Variants in HDAC9 observed in about 807,000 individuals in gnomAD.
The protein encoded by HDAC9 is histone deacetylase 9.
A neutral mutation model predicts 139.4 loss-of-function variants in HDAC9; 41 were observed. That is an observed-to-expected ratio of 0.29 (90% CI 0.23 to 0.38). HDAC9 has a LOEUF of 0.38. Ranked by LOEUF, HDAC9 falls within the 10% of genes least tolerant of loss-of-function variation. The pLI, the probability that HDAC9 is intolerant of heterozygous loss-of-function variation, is 1.00. For missense variants in HDAC9, 1,147 were observed against 1,297.0 expected (o/e 0.88, Z 1.78); for synonymous variants, 517 against 476.2 (o/e 1.09, Z -1.12).
chr7:18,471,044 A>G (rs1479049176), intron 1 of HDAC9, among the ~76,000 whole-genome samples: 2 of 151,972 alleles, frequency 1.3e-5, no homozygotes, highest in Admixed American at 6.6e-5. Flanking sequence ...TTTATGGAGT[A>G]CACCTTTATC....
intron 1 of HDAC9, among the ~76,000 whole-genome samples, chr7:18,128,186 A>G (rs1784789613): frequency 6.6e-6 from 1 of 152,088 alleles, no homozygotes; most frequent in Non-Finnish European, 1.5e-5. Flanking sequence ...TACCTTTACC[A>G]AAAAATCTCA....
chr7:18,118,085 G>A (rs985971573), intron 1 of HDAC9, among the ~76,000 whole-genome samples: 4 of 152,108 alleles, frequency 2.6e-5, no homozygotes, highest in Admixed American at 6.5e-5. Flanking sequence ...AACATTTATG[G>A]GAGTTTAACC....
chr7:18,934,442 A>G lies in HDAC9; in HGVS notation c.2804-1367A>G, dbSNP rs529677311. Among the ~76,000 whole-genome samples, 44 of 152,278 alleles carry G rather than the reference A, an allele frequency of 2.9e-4. No homozygotes were observed. The Middle Eastern group carries it at 0.014, about 47-fold the overall frequency. On this transcript the variant is annotated intron_variant, in intron 22 of 25. Transcript: ENST00000686413. ...ACTAAAAAGATAATACATTATGACC[A>G]AGCTTATTTTACTTCCTAAATGCAA...
intron 1 of HDAC9, among the ~76,000 whole-genome samples, chr7:18,384,635 A>G (rs1466132804): frequency 6.6e-6 from 1 of 152,192 alleles, no homozygotes. Flanking sequence ...GAGAGCAAGT[A>G]AATACTCCAA....
At chr7:18,688,687 A>AGTAGATCC (rs1255650153) in intron 12 of HDAC9, among the ~76,000 whole-genome samples, 3 of 151,932 alleles carry the variant, frequency 2.0e-5, no homozygotes, top group African/African-American at 7.2e-5. Context: ...TGGTTAGACA[A>AGTAGATCC]GTAGATCCTA....
At chr7:18,577,625 A>G (rs982588506) in intron 2 of HDAC9, among the ~76,000 whole-genome samples, 2 of 152,186 alleles carry the variant, frequency 1.3e-5, no homozygotes, top group African/African-American at 4.8e-5. Flanking sequence ...CAGGGACCAC[A>G]TTATACTTTT....
chr7:18,273,242 CT>C (rs999689532), intron 2 of HDAC9, among the ~76,000 whole-genome samples: 25 of 151,542 alleles, frequency 1.6e-4, no homozygotes, highest in Admixed American at 1.4e-3. Flanking sequence ...AATTGTTAAA[CT>C]TTTTTTGTAG....
intron 1 of HDAC9, among the ~76,000 whole-genome samples, chr7:18,125,916 A>G (rs998325410): frequency 6.6e-6 from 1 of 152,220 alleles, no homozygotes; most frequent in African/African-American, 2.4e-5. Context: ...GTGCCGAAAC[A>G]GGCCTACAGG....
intron 1 of HDAC9, among the ~76,000 whole-genome samples, chr7:18,386,160 A>C (rs1482545235): frequency 6.6e-6 from 1 of 152,164 alleles, no homozygotes; most frequent in East Asian, 1.9e-4. Context: ...CCGATCCCCA[A>C]CTCTGAACTC....
At position 18,094,954 on chromosome 7, in the gene HDAC9, A is replaced by G. The variant is rs1782409669; in HGVS notation, c.-97+7741A>G. ...TACATTTCAGTTTTTCACTTCCTGC[A>G]TCCAGTCATTCTTAAGTCTCGTTCT... On this transcript the variant is annotated intron_variant, in intron 1 of 12. Coordinates refer to the HDAC9 transcript ENST00000417496. Among the ~76,000 whole-genome samples the G allele has an allele frequency of 3.3e-5, 5 of 152,324 alleles. No homozygotes were observed. In the South Asian group the frequency reaches 1.0e-3, roughly 32 times the overall value.
intron 6 of HDAC9, among the ~76,000 whole-genome samples, chr7:18,598,174 T>A (rs903715784): frequency 6.6e-6 from 1 of 152,186 alleles, no homozygotes; most frequent in Non-Finnish European, 1.5e-5. Context: ...AATACACTTG[T>A]GCATGTGTGA....
intron 16 of HDAC9, among the ~76,000 whole-genome samples, chr7:18,776,557 A>G (rs1320378351): frequency 6.6e-6 from 1 of 152,130 alleles, no homozygotes; most frequent in Non-Finnish European, 1.5e-5. Flanking sequence ...GAGGAGACAA[A>G]TAAGCAAGAA....
intron 1 of HDAC9, among the ~76,000 whole-genome samples, chr7:18,417,212 G>A (rs901955501): frequency 3.3e-5 from 5 of 151,894 alleles, no homozygotes; most frequent in Admixed American, 2.0e-4. Flanking sequence ...CTCCTCTGCC[G>A]TTTAGCCTAT....
At chr7:18,869,092 A>T (rs1428430143) in intron 21 of HDAC9, among the ~76,000 whole-genome samples, 1 of 150,984 alleles carries the variant, frequency 6.6e-6, no homozygotes, top group East Asian at 1.9e-4. Context: ...ATCCAACCCA[A>T]AGAGGGGGGC....
chr7:18,260,228 C>T (rs1010463543), intron 2 of HDAC9, among the ~76,000 whole-genome samples: 3 of 151,902 alleles, frequency 2.0e-5, no homozygotes, highest in Non-Finnish European at 4.4e-5. Context: ...TGATCTATGA[C>T]CATGCTTCTG....
intron 1 of HDAC9, among the ~76,000 whole-genome samples, chr7:18,143,128 C>A (rs1786033841): frequency 6.6e-6 from 1 of 152,148 alleles, no homozygotes. Context: ...CAAAGATCTC[C>A]CCCTGCTTTT....
rs1801271096 is a variant in HDAC9 at position 18,897,117 on chromosome 7, A to C, written c.2803+22521A>C. Among the ~76,000 whole-genome samples the C allele has an allele frequency of 2.6e-5, 4 of 152,010 alleles. No individual in the cohort carries two copies. In the South Asian group the frequency reaches 6.2e-4, roughly 24 times the overall value. On this transcript the variant is annotated intron_variant, in intron 22 of 25. Transcript: ENST00000686413. ...TTCCTTGAATTTCCTGAATATAATAAATTTTAAAAATAGAAAAAAAATTTA... is the reference window on the plus strand; with the variant it reads ...TTCCTTGAATTTCCTGAATATAATACATTTTAAAAATAGAAAAAAAATTTA...
intron 1 of HDAC9, among the ~76,000 whole-genome samples, chr7:18,351,756 A>ACACAG (rs1782864964): frequency 6.6e-6 from 1 of 152,234 alleles, no homozygotes; most frequent in African/African-American, 2.4e-5. Context: ...GCAAAGCCCT[A>ACACAG]CATAAATATT....
At chr7:18,724,204 A>T (rs897611087) in intron 12 of HDAC9, among the ~76,000 whole-genome samples, 1 of 152,006 alleles carries the variant, frequency 6.6e-6, no homozygotes, top group Non-Finnish European at 1.5e-5. Flanking sequence ...ATCATCCCGA[A>T]TTTTTCCTGT....
Sources: gnomAD v4.1 joint callset for allele counts (sites outside exome capture counted in the v4.1 genomes callset) on GRCh38, gnomAD v4.1.1 for gene constraint, MANE v1.5 for transcripts, NCBI Gene and HGNC (gene_info 2026-07-23, HGNC 2026-07-21) for gene names.